Variants in RAB28 observed in about 807,000 individuals in gnomAD.
The protein encoded by RAB28 is RAB28, member RAS oncogene family, also known as ras-related protein Rab-28.
RAB28 carries 24 observed loss-of-function variants against 31.7 expected under a neutral mutation model. The observed-to-expected ratio is 0.76, with a 90% CI of 0.55 to 1.06. RAB28 has a LOEUF of 1.06. RAB28 is among the 50% of genes least tolerant of loss of function. The pLI, the probability that RAB28 is intolerant of heterozygous loss-of-function variation, is 0.00. For synonymous variants in RAB28, 100 were observed against 90.4 expected (o/e 1.11, Z -0.60); for missense variants, 254 against 258.5 (o/e 0.98, Z 0.12).
At chr4:13,383,796 G>A (rs1370951907) in intron 4 of RAB28, among the ~76,000 whole-genome samples, 7 of 152,216 alleles carry the variant, frequency 4.6e-5, no homozygotes, top group Non-Finnish European at 1.0e-4. Flanking sequence ...GCCATGTAAG[G>A]CGTGCCTGTG....
At chr4:13,435,129 TG>T (rs1481970503) in intron 4 of RAB28, among the ~76,000 whole-genome samples, 1 of 151,430 alleles carries the variant, frequency 6.6e-6, no homozygotes, top group East Asian at 1.9e-4. Context: ...AAATGACTTT[TG>T]GGTAAAAAAC....
chr4:13,484,232 A>G lies in RAB28; in HGVS notation c.-82T>C. The G allele has an allele frequency of 8.6e-7, 1 of 1,157,066 alleles. No individual in the cohort carries two copies. The highest frequency in any genetic ancestry group is 1.3e-5 in the South Asian group (1 of 76,036). 71.7% of individuals were successfully genotyped at this position (1,157,066 alleles called of 1,614,324 possible). ...GCTCCGGGGGCGGGGGAGAGGAGGA[A>G]GGGAGGTAGTTGCGGCAGGACCCCC... On this transcript the variant is annotated 5_prime_UTR_variant, in exon 1 of 7. Coordinates refer to ENST00000330852, the MANE Select transcript of RAB28 (RefSeq NM_001017979.3).
chr4:13,394,519 T>C (rs116359961), intron 4 of RAB28, among the ~76,000 whole-genome samples: 95 of 152,176 alleles, frequency 6.2e-4, no homozygotes, highest in Admixed American at 1.6e-3. Context: ...CATGTAACAG[T>C]AGCAGTCCAT....
At position 13,376,589 on chromosome 4, in the gene RAB28, T is replaced by C. The variant is rs1728931571; in HGVS notation, c.529A>G (p.Ile177Val). Residue 177 changes from isoleucine (I) to valine (V), a missense_variant, in exon 6 of 7, where the codon ATC becomes GTC. Physicochemically the swap from Ile to Val is conservative, Grantham distance 29 (BLOSUM62 3). Coordinates refer to ENST00000330852, the MANE Select transcript of RAB28 (RefSeq NM_001017979.3). Reference sequence around the variant, plus strand: ...GCTTTGTTTAATTTGATCCCAAGGATTTCAGCAGCAACTTTCTGAAAGCAC... The same window carrying C: ...GCTTTGTTTAATTTGATCCCAAGGACTTCAGCAGCAACTTTCTGAAAGCAC... Reference protein sequence around the residue: ...FLCFQKVAAEILGIKLNKAEI... With the variant: ...FLCFQKVAAEVLGIKLNKAEI... 1 of 1,603,478 alleles carries C rather than the reference T, an allele frequency of 6.2e-7. No individual in the cohort carries two copies. The highest frequency in any genetic ancestry group is 1.3e-5 in the African/African-American group (1 of 74,750).
In RAB28 at chr4:13,478,426, A is replaced by G. The variant is rs528660890; in HGVS notation, c.172+1004T>C. 1.3e-3 allele frequency among the ~76,000 whole-genome samples: 201 copies of G among 151,674 alleles called. 2 individuals carry two copies. Among genetic ancestry groups the G allele is most frequent in the African/African-American group, 4.6e-3 (192 of 41,520 alleles). The stretch of plus-strand genomic sequence containing the variant: ...TATAGCAGAGTATATTACTAAGGAG[A>G]TAAGAAGAATACCTCCATTACCAAG... On this transcript the variant is annotated intron_variant, in intron 2 of 6. Coordinates refer to ENST00000330852, the MANE Select transcript of RAB28 (RefSeq NM_001017979.3).
intron 4 of RAB28, among the ~76,000 whole-genome samples, chr4:13,392,598 T>G (rs920730489): frequency 3.5e-4 from 53 of 152,188 alleles, no homozygotes; most frequent in African/African-American, 1.2e-3. Context: ...GCATTCCCTT[T>G]CCTCCATATC....
chr4:13,476,437 A>G (rs542828191), intron 2 of RAB28, among the ~76,000 whole-genome samples: 23 of 151,676 alleles, frequency 1.5e-4, no homozygotes, highest in Non-Finnish European at 3.0e-4. Flanking sequence ...CTGATAGTCC[A>G]CTAATATAGA....
chr4:13,445,465 G>A (rs574207230), intron 4 of RAB28, among the ~76,000 whole-genome samples: 3 of 152,192 alleles, frequency 2.0e-5, no homozygotes, highest in East Asian at 3.9e-4. Context: ...AATTTTCACC[G>A]TTTCTGCATT....
intron 4 of RAB28, among the ~76,000 whole-genome samples, chr4:13,422,782 G>C (rs1457870510): frequency 7.2e-5 from 11 of 151,882 alleles, no homozygotes; most frequent in Admixed American, 6.6e-4. Context: ...ATAGCATTAG[G>C]AGAAATACCT....
At chr4:13,394,826 T>G (rs1395721810) in intron 4 of RAB28, among the ~76,000 whole-genome samples, 1 of 152,178 alleles carries the variant, frequency 6.6e-6, no homozygotes, top group Non-Finnish European at 1.5e-5. Flanking sequence ...GGAGAAACGA[T>G]GTCTGAGGAC....
rs561016240 is a variant in RAB28 at position 13,387,448 on chromosome 4, T to C, written c.392-5854A>G. 2.6e-5 allele frequency among the ~76,000 whole-genome samples: 4 copies of C among 152,176 alleles called. No homozygotes were observed. In the South Asian group the frequency reaches 8.3e-4, roughly 32 times the overall value. On this transcript the variant is annotated intron_variant, in intron 4 of 6. Coordinates refer to ENST00000330852, the MANE Select transcript of RAB28 (RefSeq NM_001017979.3). ...AACAAAACTTGTACCATTGGAGAAA[T>C]GTTATTTCTGTTGCCCTTTAATGGC...
At chr4:13,386,982 C>T (rs781641333) in intron 4 of RAB28, among the ~76,000 whole-genome samples, 10 of 151,998 alleles carry the variant, frequency 6.6e-5, no homozygotes, top group Non-Finnish European at 1.5e-4. Flanking sequence ...CCTTAGCAAA[C>T]TAATGCAAGA....
chr4:13,421,894 G>A (rs1228855513), intron 4 of RAB28, among the ~76,000 whole-genome samples: 3 of 152,128 alleles, frequency 2.0e-5, no homozygotes, highest in African/African-American at 7.2e-5. Context: ...AGCCAAAATT[G>A]ACAAATGGGA....
intron 3 of RAB28, among the ~76,000 whole-genome samples, chr4:13,466,360 A>G (rs959977828): frequency 6.6e-6 from 1 of 152,056 alleles, no homozygotes; most frequent in East Asian, 1.9e-4. Flanking sequence ...AACAACTCCA[A>G]AGCAAAACAA....
At chr4:13,474,154 G>C (rs11729437) in intron 3 of RAB28, 164 bp downstream of exon 3, 10,065 of 743,166 alleles carry the variant, frequency 0.014, 87 homozygotes, top group Non-Finnish European at 0.018. Flanking sequence ...ATAATTAGGA[G>C]AGCATGAAAC....
intron 4 of RAB28, among the ~76,000 whole-genome samples, 185 bp downstream of exon 4, chr4:13,460,514 C>T (rs1715538498): frequency 6.6e-6 from 1 of 152,172 alleles, no homozygotes; most frequent in African/African-American, 2.4e-5. Context: ...CTGCGCCCTG[C>T]CAGATGTCAT....
chr4:13,484,179 G>T lies in RAB28; in HGVS notation c.-29C>A. 2.6e-6 allele frequency: 4 copies of T among 1,551,360 alleles called. No individual in the cohort carries two copies. Among genetic ancestry groups the T allele is most frequent in the South Asian group, 2.4e-5 (2 of 85,098 alleles). ...GTCCCGGGAACCAGGCCCGCCCCTC[G>T]AGGTGGGGGGGGAAGGGAAGGATGA... On this transcript the variant is annotated 5_prime_UTR_variant, in exon 1 of 7. Coordinates refer to ENST00000330852, the MANE Select transcript of RAB28 (RefSeq NM_001017979.3).
At chr4:13,397,689 C>T (rs2108897126) in intron 4 of RAB28, among the ~76,000 whole-genome samples, 1 of 151,786 alleles carries the variant, frequency 6.6e-6, no homozygotes, top group Admixed American at 6.6e-5. Flanking sequence ...CCTTTAAATC[C>T]TCAAATCATA....
Position 13,367,804 on chromosome 4 carries a change from C to CG in RAB28, c.*753dup. 1.0e-6 allele frequency: 1 copy of CG among 984,858 alleles called. No individual in the cohort carries two copies. Among genetic ancestry groups the CG allele is most frequent in the Non-Finnish European group, 1.2e-6 (1 of 829,518 alleles). 61.0% of individuals were successfully genotyped at this position (984,858 alleles called of 1,614,324 possible). A position where few individuals can be genotyped will look rare whatever the true frequency, so the allele number is the denominator to read the frequency against. ...GATCCACAATGTCATAACTCATTCT[C>CG]GGGAGTACTCTTATGCAGTTTGCAA... is the stretch of plus-strand genomic sequence containing the variant. On this transcript the variant is annotated 3_prime_UTR_variant, in exon 7 of 7. Coordinates refer to ENST00000330852, the MANE Select transcript of RAB28 (RefSeq NM_001017979.3).
Sources: allele counts gnomAD v4.1 joint callset (sites outside exome capture counted in the v4.1 genomes callset), GRCh38; gene constraint gnomAD v4.1.1; transcripts MANE v1.5; gene names NCBI Gene and HGNC (gene_info 2026-07-23, HGNC 2026-07-21).